Variants in MLLT10 observed in about 807,000 individuals in gnomAD.
MLLT10 encodes protein AF-10.
MLLT10 carries 30 observed loss-of-function variants against 129.1 expected under a neutral mutation model. The ratio of observed to expected loss-of-function variants is 0.23; its 90% confidence interval spans 0.17 to 0.32. MLLT10 has a LOEUF of 0.32. Among genes scored for constraint, MLLT10 ranks in the 10% least tolerant of loss-of-function variants. The pLI, the probability that MLLT10 is intolerant of heterozygous loss-of-function variation, is 1.00. For missense variants in MLLT10, 1,119 were observed against 1,268.3 expected, an observed-to-expected ratio of 0.88 and a Z score of 1.79; for synonymous variants, 490 against 446.4, an observed-to-expected ratio of 1.10 and a Z score of -1.23.
intron 5 of MLLT10, among the ~76,000 whole-genome samples, chr10:21,596,109 A>T (rs2131134841): frequency 6.6e-6 from 1 of 152,184 alleles, no homozygotes; most frequent in South Asian, 2.1e-4. Flanking sequence ...TGTGTAAAAA[A>T]CCTTTTTATT....
intron 3 of MLLT10, among the ~76,000 whole-genome samples, chr10:21,539,933 A>G (rs2034806007): frequency 6.6e-6 from 1 of 150,916 alleles, no homozygotes; most frequent in South Asian, 2.1e-4. Flanking sequence ...TGACAGAGCA[A>G]GACTCTCAGG....
At chr10:21,649,980 T>G (rs1169467705) in intron 8 of MLLT10, among the ~76,000 whole-genome samples, 1 of 152,116 alleles carries the variant, frequency 6.6e-6, no homozygotes, top group Admixed American at 6.5e-5. Context: ...AAATGTTTCC[T>G]AAAAAGTCTG....
Position 21,617,185 on chromosome 10 carries a change from A to G in MLLT10, c.677A>G (p.Lys226Arg). 6.6e-7 allele frequency: 1 copy of G among 1,525,470 alleles called. No individual in the cohort carries two copies. The highest frequency in any genetic ancestry group is 8.8e-7 in the Non-Finnish European group (1 of 1,130,286). 94.5% of individuals were successfully genotyped at this position (1,525,470 alleles called of 1,614,324 possible). A position where few individuals can be genotyped will look rare whatever the true frequency, so the allele number is the denominator to read the frequency against. ...GATTCTTCCTCTCACTCTCAGGATA[A>G]ACATCATGAGAAAGAGAAAAAAGTA... ...LSDSSSHSQD[K>R]HHEKEKKKYK... The change falls in exon 8 of 23, where the codon AAA (lysine) becomes AGA (arginine). Residue 226 changes from lysine to arginine, a missense_variant. Physicochemically the swap from Lys to Arg is conservative, Grantham distance 26. Around this residue, in one of 5 missense-constraint regions of MLLT10, gnomAD observed 1,004 missense variants for 1,008.7 expected, o/e 1.00. Coordinates refer to ENST00000307729, the MANE Select transcript of MLLT10 (RefSeq NM_001195626.3).
At chr10:21,575,517 T>C (rs1323297726) in intron 3 of MLLT10, among the ~76,000 whole-genome samples, 1 of 152,178 alleles carries the variant, frequency 6.6e-6, no homozygotes, top group Non-Finnish European at 1.5e-5. Context: ...TAATTTTATA[T>C]CTTTTTTTCT....
At position 21,682,242 on chromosome 10, in the gene MLLT10, A is replaced by C; in HGVS notation, c.1684A>C (p.Asn562His). ...CPTTTFSELL[N>H]AIHNGIYNSN... ...CTTAAAAGCGTTCTCAGAGTTGCTG[A>C]ATGCAATACACAACGGTAAGTTTTA... is the stretch of plus-strand genomic sequence containing the variant. The change falls in exon 13 of 23, where the codon AAT (asparagine) becomes CAT (histidine). Residue 562 changes from asparagine (N) to histidine (H), a missense_variant. By Grantham distance (68) the Asn-to-His change is moderately conservative. Coordinates refer to ENST00000307729, the MANE Select transcript of MLLT10 (RefSeq NM_001195626.3). 1 of 1,611,564 alleles carries C rather than the reference A, an allele frequency of 6.2e-7. No homozygotes were observed. The highest frequency in any genetic ancestry group is 8.5e-7 in the Non-Finnish European group (1 of 1,179,110).
intron 8 of MLLT10, among the ~76,000 whole-genome samples, chr10:21,649,698 G>C (rs534789044): frequency 8.5e-5 from 13 of 152,326 alleles, no homozygotes; most frequent in African/African-American, 3.1e-4. Context: ...TATGAGTAGA[G>C]TGTGGAATGA....
intron 14 of MLLT10, 143 bp from the exon 15 acceptor site, chr10:21,726,101 G>C (rs147320916): frequency 1.7e-6 from 1 of 590,196 alleles, no homozygotes; most frequent in East Asian, 3.0e-5. Context: ...AAACAAGTAA[G>C]AACGAAATTT....
At chr10:21,662,329 T>G (rs1016847581) in intron 9 of MLLT10, among the ~76,000 whole-genome samples, 2 of 152,216 alleles carry the variant, frequency 1.3e-5, no homozygotes, top group Admixed American at 1.3e-4. Context: ...TTCTCTTCCC[T>G]GTATTCCCAT....
In MLLT10 at chr10:21,651,859, T is replaced by C. The variant is rs2049064624; in HGVS notation, c.795+91T>C. 6.1e-6 allele frequency: 4 copies of C among 654,064 alleles called. No individual in the cohort carries two copies. In the South Asian group the frequency reaches 9.4e-5, roughly 15 times the overall value. 40.5% of individuals were successfully genotyped at this position (654,064 alleles called of 1,614,324 possible). A position where few individuals can be genotyped will look rare whatever the true frequency, so the allele number is the denominator to read the frequency against. ...AAAACTGTTTTCATTCCCTAACTTT[T>C]CCCAGCTTTTCAACCACATATCAGG... On this transcript the variant is annotated intron_variant, in intron 9 of 22. Coordinates refer to ENST00000307729, the MANE Select transcript of MLLT10 (RefSeq NM_001195626.3).
intron 8 of MLLT10, among the ~76,000 whole-genome samples, chr10:21,640,316 A>G (rs1050863255): frequency 6.9e-6 from 1 of 145,196 alleles, no homozygotes; most frequent in Non-Finnish European, 1.5e-5. Context: ...ATGTATACAT[A>G]TATTGGTGTA....
At chr10:21,539,358 C>T (rs1402829819) in intron 3 of MLLT10, among the ~76,000 whole-genome samples, 4 of 151,264 alleles carry the variant, frequency 2.6e-5, no homozygotes, top group Non-Finnish European at 5.9e-5. Context: ...AGTTTAACTT[C>T]GAACACTCAC....
intron 3 of MLLT10, among the ~76,000 whole-genome samples, chr10:21,583,876 T>G (rs889822628): frequency 9.2e-5 from 14 of 152,120 alleles, no homozygotes; most frequent in Non-Finnish European, 1.9e-4. Flanking sequence ...GGCTCAATTT[T>G]TTTTTTTTTT....
At chr10:21,568,018 A>T (rs989807321) in intron 3 of MLLT10, among the ~76,000 whole-genome samples, 4 of 152,044 alleles carry the variant, frequency 2.6e-5, no homozygotes, top group African/African-American at 9.7e-5. Flanking sequence ...GGGTTTTGCC[A>T]TGTTGGCCAG....
intron 11 of MLLT10, 50 bp from the exon 12 acceptor site, chr10:21,681,282 G>C: frequency 6.2e-7 from 1 of 1,606,512 alleles, no homozygotes. Context: ...TTTTACCCTT[G>C]AGTCACTGGC....
At chr10:21,665,916 A>G (rs1244323034) in intron 9 of MLLT10, among the ~76,000 whole-genome samples, 2 of 151,950 alleles carry the variant, frequency 1.3e-5, no homozygotes, top group African/African-American at 4.8e-5. Context: ...CATGTTGGCC[A>G]GGCTGGTCTC....
intron 9 of MLLT10, among the ~76,000 whole-genome samples, chr10:21,652,552 T>C (rs1241338730): frequency 6.6e-6 from 1 of 152,174 alleles, no homozygotes; most frequent in East Asian, 1.9e-4. Flanking sequence ...TATCTTGTGG[T>C]TAATATGAAA....
At chr10:21,657,102 AG>A (rs2049667094) in intron 9 of MLLT10, among the ~76,000 whole-genome samples, 1 of 152,100 alleles carries the variant, frequency 6.6e-6, no homozygotes, top group Non-Finnish European at 1.5e-5. Context: ...AAGGAAAAAA[AG>A]GGGAGATGCC....
chr10:21,688,846 G>A (rs1283953833), intron 13 of MLLT10, among the ~76,000 whole-genome samples: 1 of 152,084 alleles, frequency 6.6e-6, no homozygotes, highest in Non-Finnish European at 1.5e-5. Flanking sequence ...TTGTACACCT[G>A]TGTCCCTTCT....
At chr10:21,544,546 T>G (rs143335496) in intron 3 of MLLT10, among the ~76,000 whole-genome samples, 2 of 152,112 alleles carry the variant, frequency 1.3e-5, no homozygotes, top group East Asian at 3.9e-4. Context: ...TTCAGAAAAT[T>G]TAGGTACTAT....
Sources: gnomAD v4.1 joint callset for allele counts (sites outside exome capture counted in the v4.1 genomes callset) on GRCh38, gnomAD v4.1.1 for gene constraint, gnomAD v4.1.1 regional missense constraint, MANE v1.5 for transcripts, NCBI Gene and HGNC (gene_info 2026-07-23, HGNC 2026-07-21) for gene names.